Variants in SNTG1 observed in about 807,000 individuals in gnomAD.
The protein encoded by SNTG1 is gamma-1-syntrophin.
A neutral mutation model predicts 74.7 loss-of-function variants in SNTG1; 39 were observed. The observed-to-expected ratio is 0.52, with a 90% CI of 0.40 to 0.68. SNTG1 has a LOEUF of 0.68. Ranked by LOEUF, SNTG1 falls within the 30% of genes least tolerant of loss-of-function variation. The pLI is 0.00. For synonymous variants in SNTG1, 254 were observed against 217.1 expected (o/e 1.17, Z -1.49); for missense variants, 685 against 609.5 (o/e 1.12, Z -1.30).
At position 50,795,701 on chromosome 8, in the gene SNTG1, G is replaced by A. The variant is rs1005996819; in HGVS notation, c.*2872G>A. The A allele has an allele frequency of 2.6e-5, 4 of 151,968 alleles. No individual in the cohort carries two copies. The highest frequency in any genetic ancestry group is 9.7e-5 in the African/African-American group (4 of 41,392). The allele number at this position is 151,968 out of a possible 1,614,324, so 9.4% of individuals were successfully genotyped here. On this transcript the variant is annotated 3_prime_UTR_variant, in exon 19 of 19. Transcript: ENST00000642720. ...TGAAGTTCAAAGTCATTTGAAAACT[G>A]CTAACTACTATAATAATGTCTTTTG... is the stretch of plus-strand genomic sequence containing the variant.
At chr8:50,215,451 G>T (rs920429050) in intron 2 of SNTG1, among the ~76,000 whole-genome samples, 132 of 145,334 alleles carry the variant, frequency 9.1e-4, no homozygotes, top group African/African-American at 3.3e-3. Context: ...TATATATGTA[G>T]TCTCTCTATA....
intron 2 of SNTG1, among the ~76,000 whole-genome samples, chr8:50,186,012 C>T (rs558267084): frequency 8.0e-4 from 122 of 152,108 alleles, no homozygotes; most frequent in African/African-American, 2.8e-3. Flanking sequence ...ACTCCCACCC[C>T]CGACAGGTCT....
chr8:50,531,508 T>C (rs555776291), intron 10 of SNTG1, among the ~76,000 whole-genome samples: 42 of 152,266 alleles, frequency 2.8e-4, no homozygotes, highest in Middle Eastern at 3.4e-3. Flanking sequence ...CTCACCTTCT[T>C]CCCTCCCGAT....
intron 1 of SNTG1, among the ~76,000 whole-genome samples, chr8:50,127,304 AAAAT>A (rs1286620243): frequency 1.3e-5 from 2 of 152,140 alleles, no homozygotes; most frequent in African/African-American, 4.8e-5. Flanking sequence ...ACATTGCATT[AAAAT>A]ACATCTTAGG....
chr8:50,449,183 C>T (rs371195219), intron 5 of SNTG1, among the ~76,000 whole-genome samples: 13 of 152,024 alleles, frequency 8.6e-5, no homozygotes, highest in East Asian at 3.9e-4. Context: ...CAGATGAATC[C>T]CTCATTTTTC....
chr8:50,616,180 G>A (rs555304102), intron 13 of SNTG1, among the ~76,000 whole-genome samples: 4 of 152,200 alleles, frequency 2.6e-5, no homozygotes, highest in African/African-American at 9.6e-5. Context: ...TCTGCTCTAC[G>A]GTTTGACCAA....
chr8:50,061,590 A>T (rs563035570), intron 1 of SNTG1, among the ~76,000 whole-genome samples: 2 of 151,814 alleles, frequency 1.3e-5, no homozygotes, highest in East Asian at 3.9e-4. Context: ...TAGATTATTG[A>T]TTTGAGATTG....
intron 2 of SNTG1, among the ~76,000 whole-genome samples, chr8:50,203,473 C>A (rs575183683): frequency 1.3e-5 from 2 of 152,100 alleles, no homozygotes; most frequent in South Asian, 4.1e-4. Flanking sequence ...CATATTTTTT[C>A]TTGTTGTAAG....
chr8:50,515,350 G>A (rs2094122276), intron 9 of SNTG1, among the ~76,000 whole-genome samples: 1 of 150,260 alleles, frequency 6.7e-6, no homozygotes, highest in Non-Finnish European at 1.5e-5. Flanking sequence ...ATGCTAACTG[G>A]GCAGCCATTT....
intron 18 of SNTG1, 62 bp downstream of exon 18, chr8:50,752,173 G>C (rs1357446675): frequency 1.1e-6 from 1 of 902,908 alleles, no homozygotes. Flanking sequence ...AAGGAACAAA[G>C]AGGGGAAACT....
chr8:50,389,256 G>T (rs1289245295), intron 2 of SNTG1, among the ~76,000 whole-genome samples: 3 of 152,142 alleles, frequency 2.0e-5, no homozygotes, highest in Admixed American at 6.5e-5. Context: ...TTTCCCACAG[G>T]CCTGTGGGTT....
chr8:50,784,850 A>G (rs2095670119), intron 18 of SNTG1, among the ~76,000 whole-genome samples: 1 of 152,206 alleles, frequency 6.6e-6, no homozygotes, highest in African/African-American at 2.4e-5. Flanking sequence ...AATAATACAA[A>G]TTATGTTCTA....
intron 2 of SNTG1, among the ~76,000 whole-genome samples, chr8:50,209,850 C>T (rs2084589): frequency 0.42 from 64,033 of 152,040 alleles, 16,744 homozygotes; most frequent in African/African-American, 0.75. Context: ...TCACCAGCAA[C>T]GGAACAAAGC....
chr8:50,729,158 C>T (rs2095506974), intron 17 of SNTG1, among the ~76,000 whole-genome samples: 1 of 152,190 alleles, frequency 6.6e-6, no homozygotes, highest in African/African-American at 2.4e-5. Flanking sequence ...GACACCTGGG[C>T]TGCCAGCTTG....
At chr8:50,126,290 C>T (rs1260671642) in intron 1 of SNTG1, among the ~76,000 whole-genome samples, 1 of 152,040 alleles carries the variant, frequency 6.6e-6, no homozygotes, top group Non-Finnish European at 1.5e-5. Context: ...ATTGGTTGTG[C>T]CAGGCTGTGT....
At chr8:50,424,120 G>T (rs1198917986) in intron 4 of SNTG1, among the ~76,000 whole-genome samples, 1 of 152,140 alleles carries the variant, frequency 6.6e-6, no homozygotes, top group African/African-American at 2.4e-5. Flanking sequence ...GTGAATCAAA[G>T]GTTCCGGGAA....
chr8:50,056,702 T>C (rs1439449630), intron 1 of SNTG1, among the ~76,000 whole-genome samples: 2 of 152,198 alleles, frequency 1.3e-5, no homozygotes, highest in Non-Finnish European at 2.9e-5. Context: ...TAAAGTCTTT[T>C]AGAACATTGT....
At chr8:50,256,000 C>G (rs1415616855) in intron 2 of SNTG1, among the ~76,000 whole-genome samples, 4 of 152,184 alleles carry the variant, frequency 2.6e-5, no homozygotes, top group South Asian at 4.1e-4. Context: ...ACCACCTCTT[C>G]CATTAGCCCT....
At chr8:50,316,880 A>G (rs1206659389) in intron 2 of SNTG1, among the ~76,000 whole-genome samples, 1 of 152,212 alleles carries the variant, frequency 6.6e-6, no homozygotes, top group East Asian at 1.9e-4. Context: ...CAATATTTCT[A>G]CTGGAAAATG....
Sources: gnomAD v4.1 joint callset for allele counts (sites outside exome capture counted in the v4.1 genomes callset) on GRCh38, gnomAD v4.1.1 for gene constraint, MANE v1.5 for transcripts, NCBI Gene and HGNC (gene_info 2026-07-23, HGNC 2026-07-21) for gene names.